Variants in COL10A1 observed in about 807,000 individuals in gnomAD.
The protein encoded by COL10A1 is collagen alpha-1(X) chain.
In COL10A1, 10 loss-of-function variants were observed where a neutral mutation model predicts 18.2. The observed-to-expected ratio is 0.55, with a 90% CI of 0.34 to 0.93. COL10A1 has a LOEUF of 0.93. COL10A1 is among the 40% of genes least tolerant of loss of function. COL10A1 has a pLI of 0.02. For synonymous variants in COL10A1, 330 were observed against 316.6 expected, an observed-to-expected ratio of 1.04 and a Z score of -0.45; for missense variants, 897 against 853.5, an observed-to-expected ratio of 1.05 and a Z score of -0.64.
At chr6:116,168,380 C>T in the COL10A1 span, among the ~76,000 whole-genome samples, 1 of 151,962 alleles carries the variant, frequency 6.6e-6, no homozygotes, top group East Asian at 1.9e-4. Context: ...TGCTTATAAA[C>T]CTATCCATTG....
At chr6:116,148,308 C>T (rs572998690) in intron 1 of COL10A1, among the ~76,000 whole-genome samples, 1 of 152,220 alleles carries the variant, frequency 6.6e-6, no homozygotes, top group South Asian at 2.1e-4. Flanking sequence ...CAAAACACAT[C>T]ATATTTTTAA....
the COL10A1 span, among the ~76,000 whole-genome samples, chr6:116,196,807 G>A: frequency 1.3e-5 from 2 of 151,920 alleles, no homozygotes; most frequent in South Asian, 4.2e-4. Context: ...CCTTGTGTAT[G>A]CTGTTTTTAA....
chr6:116,183,436 G>A, the COL10A1 span, among the ~76,000 whole-genome samples: 2 of 151,950 alleles, frequency 1.3e-5, no homozygotes, highest in Non-Finnish European at 2.9e-5. Context: ...GATGGGAATG[G>A]CATTGAATCT....
At chr6:116,121,992 A>C in intron 2 of COL10A1, 31 bp from the exon 3 acceptor site, 1 of 1,577,494 alleles carries the variant, frequency 6.3e-7, no homozygotes, top group Non-Finnish European at 8.7e-7. Context: ...ACCCACCCAT[A>C]GAAGGGGATG....
chr6:116,153,827 C>T (rs1159398149), intron 1 of COL10A1, among the ~76,000 whole-genome samples: 1 of 151,996 alleles, frequency 6.6e-6, no homozygotes, highest in African/African-American at 2.4e-5. Flanking sequence ...TGTTTCCTTA[C>T]CTTCTCTGTG....
At chr6:116,129,398 G>C (rs1398264837), upstream of COL10A1, among the ~76,000 whole-genome samples, 2 of 152,192 alleles carry the variant, frequency 1.3e-5, no homozygotes, top group Non-Finnish European at 2.9e-5. Context: ...AATTCTTAAT[G>C]TAACAGTTTT....
At chr6:116,153,750 T>C (rs905231253) in intron 1 of COL10A1, among the ~76,000 whole-genome samples, 1 of 152,164 alleles carries the variant, frequency 6.6e-6, no homozygotes, top group African/African-American at 2.4e-5. Flanking sequence ...TTTAGTCATA[T>C]TCATTTTTAT....
chr6:116,207,141 A>T, the COL10A1 span, among the ~76,000 whole-genome samples: 1 of 151,964 alleles, frequency 6.6e-6, no homozygotes, highest in East Asian at 1.9e-4. Context: ...CTGGGAGCTG[A>T]TATCTCTGCA....
chr6:116,171,256 GATT>G, the COL10A1 span, among the ~76,000 whole-genome samples: 2 of 151,998 alleles, frequency 1.3e-5, no homozygotes, highest in Non-Finnish European at 1.5e-5. Context: ...TAATTGCCAA[GATT>G]ATTATTTTAC....
the COL10A1 span, among the ~76,000 whole-genome samples, chr6:116,165,854 T>G: frequency 2.0e-5 from 3 of 152,234 alleles, no homozygotes; most frequent in African/African-American, 7.2e-5. Context: ...TGCAGGGTAC[T>G]GGTGATTGCA....
At chr6:116,190,027 G>A in the COL10A1 span, among the ~76,000 whole-genome samples, 1 of 151,942 alleles carries the variant, frequency 6.6e-6, no homozygotes, top group Admixed American at 6.6e-5. Context: ...AGTTTAATGT[G>A]GGCAGATTAT....
At chr6:116,150,505 G>A (rs1780013240) in intron 1 of COL10A1, among the ~76,000 whole-genome samples, 1 of 152,040 alleles carries the variant, frequency 6.6e-6, no homozygotes, top group African/African-American at 2.4e-5. Context: ...GGCTGGTCTC[G>A]AATGTGTGAC....
the COL10A1 span, among the ~76,000 whole-genome samples, chr6:116,193,837 G>A: frequency 2.6e-5 from 4 of 152,082 alleles, no homozygotes; most frequent in Admixed American, 2.0e-4. Context: ...TTGGGAGGCC[G>A]AAACAGGCAG....
the COL10A1 span, among the ~76,000 whole-genome samples, chr6:116,172,562 C>T: frequency 6.6e-6 from 1 of 152,050 alleles, no homozygotes; most frequent in Non-Finnish European, 1.5e-5. Flanking sequence ...CCCCCTGATC[C>T]ACCCACTTCA....
At chr6:116,203,105 A>G in the COL10A1 span, among the ~76,000 whole-genome samples, 1 of 152,008 alleles carries the variant, frequency 6.6e-6, no homozygotes, top group African/African-American at 2.4e-5. Context: ...GTTATATAAA[A>G]TGTCACTTAA....
the COL10A1 span, among the ~76,000 whole-genome samples, chr6:116,172,299 A>G: frequency 6.8e-6 from 1 of 148,120 alleles, no homozygotes; most frequent in Non-Finnish European, 1.5e-5. Context: ...AGTTCATTTT[A>G]GTATAACCCC....
At chr6:116,138,565 G>A (rs565297256) in intron 1 of COL10A1, among the ~76,000 whole-genome samples, 5 of 152,038 alleles carry the variant, frequency 3.3e-5, no homozygotes, top group African/African-American at 7.3e-5. Flanking sequence ...CAAATAGTGC[G>A]AATGTCGATA....
chr6:116,149,013 T>C (rs1458387005), intron 1 of COL10A1, among the ~76,000 whole-genome samples: 1 of 152,234 alleles, frequency 6.6e-6, no homozygotes, highest in Non-Finnish European at 1.5e-5. Context: ...TTGTAGACTT[T>C]CCTTGATGTT....
chr6:116,177,693 ATCAGCTC>A, the COL10A1 span, among the ~76,000 whole-genome samples: 1 of 152,222 alleles, frequency 6.6e-6, no homozygotes, highest in East Asian at 1.9e-4. Flanking sequence ...TCAAAATACC[ATCAGCTC>A]TCTTAAAGTT....
Sources: allele counts gnomAD v4.1 joint callset (sites outside exome capture counted in the v4.1 genomes callset), GRCh38; gene constraint gnomAD v4.1.1; transcripts MANE v1.5; gene names NCBI Gene and HGNC (gene_info 2026-07-23, HGNC 2026-07-21).